DGKA: variants seen among roughly 807,000 people sequenced by gnomAD.
DGKA encodes diacylglycerol kinase alpha, also known as 80 kDa diacylglycerol kinase.
In DGKA, 35 loss-of-function variants were observed where a neutral mutation model predicts 105.0. That is an observed-to-expected ratio of 0.33 (90% CI 0.25 to 0.44). DGKA has a LOEUF of 0.44. Ranked by LOEUF, DGKA falls within the 20% of genes least tolerant of loss-of-function variation. The probability of loss-of-function intolerance (pLI) is 1.00; values close to 1 mark genes in which losing one functional copy is unlikely to be tolerated. For synonymous variants in DGKA, 296 were observed against 332.0 expected, an observed-to-expected ratio of 0.89 and a Z score of 1.18; for missense variants, 665 against 915.0, an observed-to-expected ratio of 0.73 and a Z score of 3.53.
rs775918725 is a variant in DGKA, at chr12:55,938,948, G to A, written c.433G>A (p.Val145Met). The A allele has an allele frequency of 5.6e-6, 9 of 1,614,218 alleles. No individual in the cohort carries two copies. Among genetic ancestry groups the A allele is most frequent in the Non-Finnish European group, 7.6e-6 (9 of 1,180,044 alleles). Reference sequence around the variant, plus strand: ...CAAAATTATCCTACAGATGATGCGAGTGGCTGAATACCTGGATTGGGATGT... The same window carrying A: ...CAAAATTATCCTACAGATGATGCGAATGGCTGAATACCTGGATTGGGATGT... ...VDKIILQMMR[V>M]AEYLDWDVSE... Residue 145 changes from valine (V) to methionine (M), a missense_variant, in exon 7 of 24, where the codon GTG (valine) becomes ATG (methionine). By Grantham distance (21) the Val-to-Met change is conservative (BLOSUM62 1). Around this residue, in one of 3 missense-constraint regions of DGKA, gnomAD observed 504 missense variants for 681.2 expected, o/e 0.74. Coordinates refer to ENST00000331886, the MANE Select transcript of DGKA (RefSeq NM_001345.5).
At position 55,953,910 on chromosome 12, in the gene DGKA, T is replaced by C; in HGVS notation, c.*142T>C. ...TTCACCCTCACAGTATTTATTATCC[T>C]GCACCACCTCACTGTTCCCCATGCG... is the stretch of plus-strand genomic sequence containing the variant. On this transcript the variant is annotated 3_prime_UTR_variant, in exon 24 of 24. Transcript: ENST00000331886. The C allele has an allele frequency of 1.4e-6, 1 of 726,978 alleles. No homozygotes were observed. Among genetic ancestry groups the C allele is most frequent in the Non-Finnish European group, 2.3e-6 (1 of 432,240 alleles). The allele number at this position is 726,978 out of a possible 1,614,324, so 45.0% of individuals were successfully genotyped here. A position where few individuals can be genotyped will look rare whatever the true frequency, so the allele number is the denominator to read the frequency against.
At chr12:55,951,051 A>G (rs895632464) in intron 17 of DGKA, among the ~76,000 whole-genome samples, 1 of 152,094 alleles carries the variant, frequency 6.6e-6, no homozygotes, top group African/African-American at 2.4e-5. Flanking sequence ...GCAGGTAGCG[A>G]GCATAGAACC....
intron 1 of DGKA, among the ~76,000 whole-genome samples, chr12:55,934,244 C>T (rs1884215100): frequency 1.3e-5 from 2 of 152,182 alleles, no homozygotes; most frequent in Non-Finnish European, 2.9e-5. Flanking sequence ...CTTTCTCCCT[C>T]AGATTCCATT....
At position 55,952,815 on chromosome 12, in the gene DGKA, T is replaced by G; in HGVS notation, c.1825T>G (p.Ser609Ala). The change falls in exon 21 of 24, where the codon TCC becomes GCC. Residue 609 changes from serine to alanine, a missense_variant. Ser to Ala is a moderately conservative substitution (Grantham distance 99). This residue lies in a region of DGKA where 158 missense variants were observed against 213.4 expected (regional missense o/e 0.74). Transcript: ENST00000331886. This position sits in a 1 kb window ranked among gnomAD's most constrained non-coding sequence, Gnocchi z 5.1. ...VLNIPSMHGG[S>A]NLWGDTRRPH... The stretch of plus-strand genomic sequence containing the variant: ...AAACATCCCTAGCATGCATGGTGGC[T>G]CCAACCTCTGGGGTGATACCAGGAG... 3.7e-6 allele frequency: 6 copies of G among 1,614,134 alleles called. No homozygotes were observed. Among genetic ancestry groups the G allele is most frequent in the Non-Finnish European group, 5.1e-6 (6 of 1,180,010 alleles).
intron 7 of DGKA, 70 bp downstream of exon 7, chr12:55,939,059 T>C (rs1885357559): frequency 6.2e-7 from 1 of 1,609,116 alleles, no homozygotes; most frequent in Non-Finnish European, 8.5e-7. Context: ...CTGCCTTACT[T>C]CATCTCTGAC....
At position 55,940,887 on chromosome 12, in the gene DGKA, C is replaced by G. The variant is rs1223799742; in HGVS notation, c.1018-10C>G. The G allele has an allele frequency of 6.2e-6, 10 of 1,613,866 alleles. No homozygotes were observed. The highest frequency in any genetic ancestry group is 2.7e-5 in the African/African-American group (2 of 75,058). ...CAGCTTTTCTTCCCTCTACTTTCTT[C>G]CCCTCCCAGGCCTCTGGACCGGATC... On this transcript the variant is annotated splice_polypyrimidine_tract_variant and intron_variant, in intron 12 of 23. Transcript: ENST00000331886. The surrounding 1 kb of genome is among the most constrained non-coding windows in gnomAD (Gnocchi z 4.3).
At position 55,952,814 on chromosome 12, in the gene DGKA, C is replaced by T; in HGVS notation, c.1824C>T (p.Gly608=). Residue 608 remains glycine (G), a synonymous_variant, in exon 21 of 24, where the codon GGC becomes GGT. Coordinates refer to ENST00000331886, the MANE Select transcript of DGKA (RefSeq NM_001345.5). The surrounding 1 kb of genome is among the most constrained non-coding windows in gnomAD (Gnocchi z 5.1). ...AVLNIPSMHG[G]SNLWGDTRRP... is the part of the protein sequence containing the mutation. ...TAAACATCCCTAGCATGCATGGTGGCTCCAACCTCTGGGGTGATACCAGGA... is the reference window on the plus strand; with the variant it reads ...TAAACATCCCTAGCATGCATGGTGGTTCCAACCTCTGGGGTGATACCAGGA... 2.5e-6 allele frequency: 4 copies of T among 1,614,172 alleles called. No homozygotes were observed. The highest frequency in any genetic ancestry group is 3.4e-6 in the Non-Finnish European group (4 of 1,180,036).
chr12:55,942,991 C>G (rs1198730658), intron 17 of DGKA, among the ~76,000 whole-genome samples: 1 of 152,072 alleles, frequency 6.6e-6, no homozygotes, highest in Non-Finnish European at 1.5e-5. Context: ...AGTCATTCAT[C>G]ATGATTGGGA....
chr12:55,951,532 G>A (rs1171361593), intron 17 of DGKA, 91 bp from the exon 18 acceptor site: 2 of 1,415,184 alleles, frequency 1.4e-6, no homozygotes, highest in Non-Finnish European at 1.9e-6. Context: ...AAACAGGGCA[G>A]AAGGCCCCTG....
At position 55,932,561 on chromosome 12, in the gene DGKA, G is replaced by C. The variant is rs1883815703; in HGVS notation, c.-82+1217G>C. 1 of 702,166 alleles carries C rather than the reference G, an allele frequency of 1.4e-6. No homozygotes were observed. Among genetic ancestry groups the C allele is most frequent in the Admixed American group, 2.0e-5 (1 of 49,974 alleles). The allele number at this position is 702,166 out of a possible 1,614,324, so 43.5% of individuals were successfully genotyped here. On this transcript the variant is annotated intron_variant, in intron 1 of 23. Transcript: ENST00000331886. This position sits in a 1 kb window ranked among gnomAD's most constrained non-coding sequence, Gnocchi z 4.3. The stretch of plus-strand genomic sequence containing the variant: ...TGAATCTCACTTTTCACCTTGATAG[G>C]AGAAATGAGCCTTCCTGAGGAAGAA...
chr12:55,944,916 T>C (rs1886709204), intron 17 of DGKA, among the ~76,000 whole-genome samples: 1 of 152,136 alleles, frequency 6.6e-6, no homozygotes, highest in Non-Finnish European at 1.5e-5. Flanking sequence ...TCTCCTGCCT[T>C]ACCCTCCCGA....
chr12:55,949,418 C>T (rs1308542322), intron 17 of DGKA, among the ~76,000 whole-genome samples: 1 of 152,134 alleles, frequency 6.6e-6, no homozygotes. Flanking sequence ...AGGTTGATCT[C>T]GAACTCCTGA....
chr12:55,949,920 C>G (rs1005551840), intron 17 of DGKA, among the ~76,000 whole-genome samples: 1 of 152,038 alleles, frequency 6.6e-6, no homozygotes, highest in South Asian at 2.1e-4. Flanking sequence ...TAGGCTCATG[C>G]AATCCTCCCA....
chr12:55,949,870 T>C (rs1887790441), intron 17 of DGKA, among the ~76,000 whole-genome samples: 1 of 152,128 alleles, frequency 6.6e-6, no homozygotes, highest in Admixed American at 6.6e-5. Context: ...CATGCTGGAG[T>C]ACAGTGGTGA....
intron 3 of DGKA, 30 bp from the exon 4 acceptor site, chr12:55,937,378 T>TC (rs765476602): frequency 3.0e-5 from 48 of 1,607,118 alleles, no homozygotes; most frequent in Non-Finnish European, 3.9e-5. Context: ...CCTTGCAGAC[T>TC]CCCCAGGATA....
chr12:55,929,016 G>A (rs1023330530), upstream of DGKA, among the ~76,000 whole-genome samples: 6 of 152,044 alleles, frequency 3.9e-5, no homozygotes, highest in African/African-American at 1.2e-4. Context: ...AATTAGCCGG[G>A]TGTGGTGGCG....
intron 17 of DGKA, among the ~76,000 whole-genome samples, chr12:55,950,825 T>C (rs1888009258): frequency 6.6e-6 from 1 of 152,188 alleles, no homozygotes. Context: ...CCTCCTGCCA[T>C]GTAGCTGGGA....
chr12:55,949,016 C>T (rs1887616263), intron 17 of DGKA, among the ~76,000 whole-genome samples: 1 of 150,286 alleles, frequency 6.7e-6, no homozygotes, highest in Admixed American at 6.6e-5. Flanking sequence ...AGCCGGACTC[C>T]ATCTCAAAAA....
intron 17 of DGKA, 24 bp downstream of exon 17, chr12:55,942,287 C>G: frequency 6.2e-7 from 1 of 1,610,340 alleles, no homozygotes; most frequent in Non-Finnish European, 8.5e-7. Flanking sequence ...AATTGTTTTG[C>G]TGTAGGCTGA....
Sources: allele counts gnomAD v4.1 joint callset (sites outside exome capture counted in the v4.1 genomes callset), GRCh38; gene constraint gnomAD v4.1.1; regional missense constraint gnomAD v4.1.1; non-coding constraint Gnocchi (gnomAD v3.1); transcripts MANE v1.5; gene names NCBI Gene and HGNC (gene_info 2026-07-23, HGNC 2026-07-21).